NIPAL2: variants seen among roughly 807,000 people sequenced by gnomAD.
The protein encoded by NIPAL2 is NIPA-like protein 2.
A neutral mutation model predicts 48.9 loss-of-function variants in NIPAL2; 43 were observed. That is an observed-to-expected ratio of 0.88 (90% CI 0.69 to 1.13). The LOEUF is 1.13. Among genes scored for constraint, NIPAL2 ranks in the 50% most tolerant of loss-of-function variants. The pLI is 0.00. For synonymous variants in NIPAL2, 167 were observed against 174.6 expected (o/e 0.96, Z 0.34); for missense variants, 446 against 461.4 (o/e 0.97, Z 0.31).
At chr8:98,205,559 T>C (rs1235583516) in intron 6 of NIPAL2, among the ~76,000 whole-genome samples, 1 of 152,006 alleles carries the variant, frequency 6.6e-6, no homozygotes, top group African/African-American at 2.4e-5. Flanking sequence ...TTATAATTAC[T>C]AGTAGATGGG....
chr8:98,262,805 C>A (rs1408794706), intron 1 of NIPAL2, among the ~76,000 whole-genome samples: 2 of 151,570 alleles, frequency 1.3e-5, no homozygotes, highest in African/African-American at 4.8e-5. Context: ...AACTCTCCAC[C>A]CCAAATCAAC....
intron 2 of NIPAL2, 119 bp downstream of exon 2, chr8:98,253,900 A>AT (rs1813733059): frequency 1.7e-6 from 1 of 591,920 alleles, no homozygotes. Context: ...TAAAATATAT[A>AT]TTTTTTATAA....
chr8:98,237,861 T>C (rs1449676470), intron 3 of NIPAL2, among the ~76,000 whole-genome samples: 1 of 152,218 alleles, frequency 6.6e-6, no homozygotes, highest in Admixed American at 6.5e-5. Flanking sequence ...GCTTTTTCAC[T>C]ACACCTAAGA....
intron 1 of NIPAL2, among the ~76,000 whole-genome samples, chr8:98,266,787 TAAAG>T (rs939339646): frequency 5.3e-5 from 8 of 151,350 alleles, no homozygotes; most frequent in South Asian, 2.1e-4. Context: ...AAAAAAAAAA[TAAAG>T]AAAGAAAACA....
At chr8:98,249,163 G>A (rs1813440567) in intron 3 of NIPAL2, among the ~76,000 whole-genome samples, 2 of 151,450 alleles carry the variant, frequency 1.3e-5, no homozygotes, top group African/African-American at 4.9e-5. Context: ...CTGTTTTAGG[G>A]CCCCAAGAAG....
chr8:98,252,725 A>G (rs1304204505), intron 2 of NIPAL2, 91 bp from the exon 3 acceptor site: 3 of 1,055,980 alleles, frequency 2.8e-6, no homozygotes, highest in East Asian at 2.9e-5. Flanking sequence ...AATTCTTTTT[A>G]TAAGAACGCT....
intron 8 of NIPAL2, 81 bp downstream of exon 8, chr8:98,203,027 G>T: frequency 9.0e-7 from 1 of 1,111,792 alleles, no homozygotes; most frequent in South Asian, 1.3e-5. Context: ...ACAACCTAAA[G>T]ATTTCTGGAT....
In NIPAL2 at chr8:98,222,653, G is replaced by A. The variant is rs1811957861; in HGVS notation, c.437-53C>T. 9 of 1,587,956 alleles carry A rather than the reference G, an allele frequency of 5.7e-6. No homozygotes were observed. The Admixed American group carries it at 1.5e-4, about 27-fold the overall frequency. On this transcript the variant is annotated intron_variant, in intron 4 of 10. Coordinates refer to ENST00000430223, the MANE Select transcript of NIPAL2 (RefSeq NM_001321635.2). Reference sequence around the variant, plus strand: ...AAATTGAAACCAACCTAAAGCTTTTGTTGACGCAGACATTGCCTAGAGACT... The same window carrying A: ...AAATTGAAACCAACCTAAAGCTTTTATTGACGCAGACATTGCCTAGAGACT...
chr8:98,244,622 T>TGATGAGAGGGTGGGCTGTGGA, intron 3 of NIPAL2, among the ~76,000 whole-genome samples: 2 of 116,268 alleles, frequency 1.7e-5, no homozygotes, highest in Non-Finnish European at 3.6e-5. Context: ...TGGGCTGTGG[T>TGATGAGAGGGTGGGCTGTGGA]GATGGGGGGT....
chr8:98,277,846 A>G (rs1279858143), intron 1 of NIPAL2, among the ~76,000 whole-genome samples: 1 of 152,198 alleles, frequency 6.6e-6, no homozygotes, highest in Admixed American at 6.5e-5. Context: ...TTGCAAGAAC[A>G]TACTACATTT....
intron 1 of NIPAL2, among the ~76,000 whole-genome samples, chr8:98,283,440 TATAATA>T (rs1815968926): frequency 6.6e-6 from 1 of 152,224 alleles, no homozygotes; most frequent in Non-Finnish European, 1.5e-5. Flanking sequence ...CTTAATCCTG[TATAATA>T]TTGGGGAGGA....
intron 4 of NIPAL2, among the ~76,000 whole-genome samples, chr8:98,228,222 C>A (rs1217881443): frequency 6.6e-6 from 1 of 152,172 alleles, no homozygotes; most frequent in Admixed American, 6.5e-5. Context: ...TTGGTTCTTA[C>A]GAAGGTGCTT....
intron 1 of NIPAL2, among the ~76,000 whole-genome samples, chr8:98,267,442 C>T (rs1176928817): frequency 6.6e-6 from 1 of 151,668 alleles, no homozygotes; most frequent in African/African-American, 2.4e-5. Flanking sequence ...TCCACCTCAT[C>T]TTCCCAAGTA....
intron 1 of NIPAL2, among the ~76,000 whole-genome samples, chr8:98,261,736 T>C (rs936169424): frequency 6.7e-6 from 1 of 149,420 alleles, no homozygotes; most frequent in Non-Finnish European, 1.5e-5. Context: ...TTCCCCAACC[T>C]AGCAAGGCAG....
intron 1 of NIPAL2, among the ~76,000 whole-genome samples, chr8:98,291,960 A>C (rs1051543349): frequency 1.3e-5 from 2 of 152,240 alleles, no homozygotes; most frequent in African/African-American, 4.8e-5. Context: ...ATTCCAGGGA[A>C]GTTTGTCTTT....
chr8:98,260,447 G>A (rs1412389267), intron 1 of NIPAL2, among the ~76,000 whole-genome samples: 3 of 152,204 alleles, frequency 2.0e-5, no homozygotes, highest in African/African-American at 4.8e-5. Flanking sequence ...GAAGCAGGGC[G>A]AGGCATTGCC....
intron 3 of NIPAL2, among the ~76,000 whole-genome samples, chr8:98,245,981 G>A (rs530868704): frequency 3.3e-5 from 5 of 152,272 alleles, no homozygotes; most frequent in African/African-American, 1.2e-4. Flanking sequence ...ACTATCACAG[G>A]CATCCTGTGA....
At chr8:98,236,851 C>CAAAAAAAAAAAAAA (rs34210829) in intron 3 of NIPAL2, among the ~76,000 whole-genome samples, 2 of 66,896 alleles carry the variant, frequency 3.0e-5, no homozygotes, top group Admixed American at 2.3e-4. Flanking sequence ...GATCCTGTCT[C>CAAAAAAAAAAAAAA]AAAAAAAAAA....
intron 1 of NIPAL2, among the ~76,000 whole-genome samples, chr8:98,265,117 T>C (rs1470721395): frequency 1.5e-5 from 2 of 131,534 alleles, no homozygotes; most frequent in Non-Finnish European, 3.2e-5. Flanking sequence ...TTACACCTTA[T>C]ACAAAAATCA....
Sources: allele counts gnomAD v4.1 joint callset (sites outside exome capture counted in the v4.1 genomes callset), GRCh38; gene constraint gnomAD v4.1.1; transcripts MANE v1.5; gene names NCBI Gene and HGNC (gene_info 2026-07-23, HGNC 2026-07-21).